Variants in OTOG observed in about 807,000 individuals in gnomAD.
The protein encoded by OTOG is otogelin.
A neutral mutation model predicts 313.8 loss-of-function variants in OTOG; 296 were observed. The observed-to-expected ratio is 0.94, with a 90% confidence interval of 0.86 to 1.04. The LOEUF is 1.04. Among genes scored for constraint, OTOG ranks in the 50% least tolerant of loss-of-function variants. The probability of loss-of-function intolerance (pLI) is 0.00; values close to 1 mark genes in which losing one functional copy is unlikely to be tolerated. For missense variants in OTOG, 3,948 were observed against 3,840.1 expected, an observed-to-expected ratio of 1.03 and a Z score of -0.74; for synonymous variants, 1,533 against 1,554.9, an observed-to-expected ratio of 0.99 and a Z score of 0.33.
rs189471794 is a variant in OTOG, at chr11:17,601,584, C to T, written c.3710-626C>T. 6.3e-4 allele frequency among the ~76,000 whole-genome samples: 90 copies of T among 143,044 alleles called. 1 individual carries two copies. In the East Asian group the frequency reaches 9.3e-3, roughly 15 times the overall value. The allele number at this position is 143,044 out of a possible 152,430, so 93.8% of individuals were successfully genotyped here. On this transcript the variant is annotated intron_variant, in intron 31 of 55. Coordinates refer to ENST00000399397, the MANE Select transcript of OTOG (RefSeq NM_001292063.2). ...TGAGGGCCATGGAGAGCCACTGGTG[C>T]GTCCCACCAGGGGGCGTGGCTGGGA...
At chr11:17,559,890 G>T (rs1436353528) in intron 12 of OTOG, among the ~76,000 whole-genome samples, 1 of 102,298 alleles carries the variant, frequency 9.8e-6, no homozygotes, top group African/African-American at 6.5e-5. Flanking sequence ...GGAAGGGAGA[G>T]AGGGAGGGAG....
intron 7 of OTOG, 46 bp from the exon 8 acceptor site, chr11:17,557,072 G>C (rs1035766424): frequency 1.3e-6 from 2 of 1,528,012 alleles, no homozygotes; most frequent in Admixed American, 3.9e-5. Context: ...GACTGGGCTA[G>C]TGGAGGTGTT....
At chr11:17,589,257 C>T (rs1379423957) in intron 24 of OTOG, among the ~76,000 whole-genome samples, 4 of 152,062 alleles carry the variant, frequency 2.6e-5, no homozygotes, top group East Asian at 1.9e-4. Context: ...TTGTATTTCC[C>T]GGGTCTCCTT....
At chr11:17,555,474 G>A (rs1852037154) in intron 6 of OTOG, among the ~76,000 whole-genome samples, 1 of 152,118 alleles carries the variant, frequency 6.6e-6, no homozygotes, top group African/African-American at 2.4e-5. Flanking sequence ...AAAGAGAAAA[G>A]TTCAGAAATA....
rs981127271 is a variant in OTOG, at chr11:17,642,383, C to A, written c.8415+137C>A. 7.6e-6 allele frequency: 9 copies of A among 1,188,898 alleles called. No homozygotes were observed. The African/African-American group carries it at 1.1e-4, about 14-fold the overall frequency. The allele number at this position is 1,188,898 out of a possible 1,614,324, so 73.6% of individuals were successfully genotyped here. A position where few individuals can be genotyped will look rare whatever the true frequency, so the allele number is the denominator to read the frequency against. On this transcript the variant is annotated intron_variant, in intron 53 of 55. Transcript: ENST00000399397. ...CTGTGCCTGCACTGCCACCCCAAAT[C>A]CATATGTCTCTCTGCATTTCTTTTT...
Position 17,570,386 on chromosome 11 carries a change from T to C in OTOG, c.1951T>C (p.Phe651Leu). 1 of 1,550,440 alleles carries C rather than the reference T, an allele frequency of 6.4e-7. No homozygotes were observed. The highest frequency in any genetic ancestry group is 8.7e-7 in the Non-Finnish European group (1 of 1,146,922). The change falls in exon 17 of 56, where the codon TTC becomes CTC. Residue 651 changes from phenylalanine to leucine, a missense_variant. Phe to Leu is a conservative substitution (Grantham distance 22, BLOSUM62 0). Transcript: ENST00000399397. The stretch of plus-strand genomic sequence containing the variant: ...CTTCAATGGCAACACGCAGGATGAC[T>C]TCCTGTACGTAGCCCTGCCACGGAA... Reference protein sequence around the residue: ...GTFNGNTQDDFLSPVGVPEST... With the variant: ...GTFNGNTQDDLLSPVGVPEST...
At chr11:17,607,752 A>T (rs1853424303) in intron 33 of OTOG, among the ~76,000 whole-genome samples, 1 of 152,218 alleles carries the variant, frequency 6.6e-6, no homozygotes, top group African/African-American at 2.4e-5. Flanking sequence ...CTCTGGGGCT[A>T]GGTGCCCAGG....
intron 19 of OTOG, 36 bp from the exon 20 acceptor site, chr11:17,574,684 G>C: frequency 6.5e-7 from 1 of 1,531,210 alleles, no homozygotes; most frequent in Non-Finnish European, 8.8e-7. Flanking sequence ...TGGGGATGAG[G>C]GAGACAAAGC....
intron 55 of OTOG, 46 bp downstream of exon 55, chr11:17,645,689 AG>A (rs1245872414): frequency 1.3e-6 from 2 of 1,550,524 alleles, no homozygotes; most frequent in East Asian, 2.4e-5. Context: ...AATGGGATGG[AG>A]GGGGTTTGGG....
At chr11:17,552,976 C>T (rs1483226984) in intron 4 of OTOG, 143 bp from the exon 5 acceptor site, 11 of 745,914 alleles carry the variant, frequency 1.5e-5, no homozygotes, top group Non-Finnish European at 2.4e-5. Flanking sequence ...TCTGAGGCAC[C>T]AGCTTGTGCT....
intron 41 of OTOG, 33 bp downstream of exon 41, chr11:17,631,955 C>T: frequency 2.2e-5 from 34 of 1,545,322 alleles, no homozygotes; most frequent in Non-Finnish European, 2.9e-5. Context: ...ACTGGGGACA[C>T]CTCCTGGGCT....
chr11:17,613,615 C>T lies in OTOG; in HGVS notation c.6442C>T (p.His2148Tyr). 6.4e-7 allele frequency: 1 copy of T among 1,550,558 alleles called. No individual in the cohort carries two copies. Among genetic ancestry groups the T allele is most frequent in the Admixed American group, 2.0e-5 (1 of 50,990 alleles). Reference sequence around the variant, plus strand: ...GAGGGCTGGGTTCTCTCTGCAGGGGCACCTGAACTGGCCCCCGTTCTGTCT... The same window carrying T: ...GAGGGCTGGGTTCTCTCTGCAGGGGTACCTGAACTGGCCCCCGTTCTGTCT... ...VLDCKSANLG[H>Y]LNWPPFCLVM... The change falls in exon 39 of 56, where the codon CAC becomes TAC. Residue 2148 changes from histidine (H) to tyrosine (Y), a missense_variant. Transcript: ENST00000399397.
chr11:17,599,657 T>C lies in OTOG; in HGVS notation c.3683-14T>C. Reference sequence around the variant, plus strand: ...GGGCTGGCTCTCAGGAAGTTCCTGTTCTCTCTCTTTCAGCGTATGACTGTG... The same window carrying C: ...GGGCTGGCTCTCAGGAAGTTCCTGTCCTCTCTCTTTCAGCGTATGACTGTG... On this transcript the variant is annotated splice_polypyrimidine_tract_variant and intron_variant, in intron 30 of 55. Transcript: ENST00000399397. 2 of 1,550,622 alleles carry C rather than the reference T, an allele frequency of 1.3e-6. No individual in the cohort carries two copies. Among genetic ancestry groups the C allele is most frequent in the Non-Finnish European group, 1.7e-6 (2 of 1,146,986 alleles).
rs546471243 is a variant in OTOG at position 17,558,387 on chromosome 11, C to A, written c.996+72C>A. On this transcript the variant is annotated intron_variant, in intron 9 of 55. Transcript: ENST00000399397. ...TATCCAACTCTTCGAAAGCCACTGG[C>A]TGTGGCACCCCAGAATGTCTGGTGC... 3.5e-4 allele frequency: 540 copies of A among 1,534,184 alleles called. 3 individuals are homozygous for A. The African/African-American group carries it at 6.0e-3, about 17-fold the overall frequency.
At chr11:17,638,313 TC>T in intron 47 of OTOG, 137 bp from the exon 48 acceptor site, 1 of 732,708 alleles carries the variant, frequency 1.4e-6, no homozygotes, top group East Asian at 2.8e-5. Flanking sequence ...CCCAGACTCT[TC>T]CCTGGGGCTC....
chr11:17,644,190 C>T (rs746970583), intron 54 of OTOG, among the ~76,000 whole-genome samples: 1 of 152,256 alleles, frequency 6.6e-6, no homozygotes, highest in African/African-American at 2.4e-5. Flanking sequence ...AGGGCCCGCT[C>T]ACCTGGCACC....
intron 31 of OTOG, among the ~76,000 whole-genome samples, chr11:17,600,122 A>C (rs16934477): frequency 4.6e-5 from 7 of 152,212 alleles, no homozygotes. Context: ...GGAACAAAAC[A>C]TGTGGCCTGC....
At chr11:17,553,337 C>T in intron 5 of OTOG, 28 bp from the exon 6 acceptor site, 1 of 1,474,326 alleles carries the variant, frequency 6.8e-7, no homozygotes, top group Non-Finnish European at 9.0e-7. Context: ...TGTAGCTACA[C>T]AGAGAGGTTC....
intron 24 of OTOG, among the ~76,000 whole-genome samples, chr11:17,590,188 A>G (rs901448795): frequency 1.3e-5 from 2 of 152,162 alleles, no homozygotes; most frequent in Admixed American, 6.5e-5. Flanking sequence ...TCACACATCC[A>G]ACTGCCTACT....
Sources: allele counts gnomAD v4.1 joint callset (sites outside exome capture counted in the v4.1 genomes callset), GRCh38; gene constraint gnomAD v4.1.1; transcripts MANE v1.5; gene names NCBI Gene and HGNC (gene_info 2026-07-23, HGNC 2026-07-21).